The following ACOT1 variants were observed in gnomAD, a reference collection of about 807,000 sequenced individuals.
ACOT1 encodes acyl-coenzyme A thioesterase 1.
ACOT1 carries 8 observed loss-of-function variants against 15.7 expected under a neutral mutation model. The observed-to-expected ratio is 0.51, with a 90% CI of 0.30 to 0.92. The LOEUF is 0.92. ACOT1 is among the 40% of genes least tolerant of loss of function. The probability of loss-of-function intolerance (pLI) is 0.06; values close to 1 mark genes in which losing one functional copy is unlikely to be tolerated. For missense variants in ACOT1, 151 were observed against 539.4 expected (o/e 0.28, Z 7.13); for synonymous variants, 67 against 241.2 (o/e 0.28, Z 6.69).
the ACOT1 span, chr14:73,520,944 G>A: frequency 6.2e-7 from 1 of 1,613,976 alleles, no homozygotes; most frequent in East Asian, 2.2e-5. Flanking sequence ...CTGGGTTTGG[G>A]GCTGGGAGAG....
the ACOT1 span, chr14:73,495,339 G>C: frequency 1.9e-6 from 3 of 1,613,766 alleles, no homozygotes; most frequent in African/African-American, 2.7e-5. Context: ...ACCATCTCCA[G>C]CTTGAGTATT....
chr14:73,493,159 GA>G, the ACOT1 span: 12 of 1,565,590 alleles, frequency 7.7e-6, no homozygotes, highest in African/African-American at 1.4e-5. Flanking sequence ...GTTGGAGGTG[GA>G]AAAAAAACCC....
At chr14:73,520,888 A>T in the ACOT1 span, 1 of 1,614,066 alleles carries the variant, frequency 6.2e-7, no homozygotes, top group Non-Finnish European at 8.5e-7. Flanking sequence ...TTGTCTGTGG[A>T]GTAGGCAAAC....
the ACOT1 span, chr14:73,495,412 A>C: frequency 1.3e-4 from 210 of 1,598,106 alleles, no homozygotes; most frequent in African/African-American, 4.2e-4. Context: ...ATAATGTTTG[A>C]AAAACAAAAC....
At chr14:73,508,373 A>G in the ACOT1 span, 1 of 1,264,434 alleles carries the variant, frequency 7.9e-7, no homozygotes, top group South Asian at 1.3e-5. Flanking sequence ...TTGATACCCA[A>G]GGCTGCTACC....
At chr14:73,518,748 C>A in the ACOT1 span, among the ~76,000 whole-genome samples, 2 of 152,128 alleles carry the variant, frequency 1.3e-5, no homozygotes, top group Non-Finnish European at 2.9e-5. Flanking sequence ...ATAGGAGCTG[C>A]CTTATTGGTA....
the ACOT1 span, chr14:73,518,884 G>T: frequency 1.4e-6 from 1 of 733,392 alleles, no homozygotes; most frequent in Non-Finnish European, 2.2e-6. Flanking sequence ...TTTTTAGTAC[G>T]TAGAAAGGGG....
chr14:73,496,133 C>CA, the ACOT1 span, among the ~76,000 whole-genome samples: 38 of 144,492 alleles, frequency 2.6e-4, no homozygotes, highest in South Asian at 1.5e-3. Context: ...GTCCCCCCCT[C>CA]AAAAAAAAAA....
the ACOT1 span, among the ~76,000 whole-genome samples, chr14:73,507,877 G>A: frequency 6.6e-6 from 1 of 152,098 alleles, no homozygotes; most frequent in Admixed American, 6.6e-5. Flanking sequence ...CGAGTAGCTG[G>A]GACTACTCAG....
chr14:73,492,475 C>A, the ACOT1 span: 1 of 1,613,638 alleles, frequency 6.2e-7, no homozygotes, highest in Non-Finnish European at 8.5e-7. This position sits in a 1 kb window ranked among gnomAD's most constrained non-coding sequence, Gnocchi z 4.9. Flanking sequence ...TCTTGGTTGC[C>A]CGCCTGGGAC....
the ACOT1 span, chr14:73,517,184 C>G: frequency 6.6e-6 from 1 of 152,168 alleles, no homozygotes; most frequent in Non-Finnish European, 1.5e-5. Context: ...ATCAGCCTCG[C>G]GAGTGGCTGG....
At chr14:73,518,010 C>T in the ACOT1 span, among the ~76,000 whole-genome samples, 2 of 152,066 alleles carry the variant, frequency 1.3e-5, no homozygotes, top group Non-Finnish European at 2.9e-5. Flanking sequence ...CACTTGAACC[C>T]AGGAGGCGGA....
the ACOT1 span, among the ~76,000 whole-genome samples, chr14:73,514,957 A>G: frequency 6.6e-6 from 1 of 151,990 alleles, no homozygotes; most frequent in African/African-American, 2.4e-5. Flanking sequence ...AGTCTCAGCT[A>G]CTTGAGAGGC....
chr14:73,509,436 A>AG, the ACOT1 span: 21 of 1,613,978 alleles, frequency 1.3e-5, no homozygotes, highest in Non-Finnish European at 1.8e-5. Flanking sequence ...CCTCTAGGGC[A>AG]GGCAGTAGAA....
At chr14:73,491,841 T>A in the ACOT1 span, 13 of 1,608,828 alleles carry the variant, frequency 8.1e-6, no homozygotes, top group Non-Finnish European at 1.0e-5. Context: ...CGCGAGACCC[T>A]GAACCCACCC....
chr14:73,527,961 CAAAAAA>C, the ACOT1 span, among the ~76,000 whole-genome samples: 2 of 52,694 alleles, frequency 3.8e-5, no homozygotes, highest in African/African-American at 1.4e-4. Context: ...AACTCCATCT[CAAAAAA>C]AAAAAAAAAA....
the ACOT1 span, among the ~76,000 whole-genome samples, chr14:73,523,892 T>C: frequency 2.0e-5 from 3 of 152,222 alleles, no homozygotes; most frequent in Non-Finnish European, 2.9e-5. Context: ...TTGTTAAATA[T>C]TTGAGACTCT....
chr14:73,493,213 G>C, the ACOT1 span: 1 of 1,056,628 alleles, frequency 9.5e-7, no homozygotes, highest in Non-Finnish European at 1.5e-6. Flanking sequence ...ATCACCTTCA[G>C]GCTTCAGTGT....
chr14:73,495,834 T>A, the ACOT1 span, among the ~76,000 whole-genome samples: 1 of 151,998 alleles, frequency 6.6e-6, no homozygotes, highest in Non-Finnish European at 1.5e-5. Context: ...TTTGAAAAAT[T>A]AGAACAATCC....
Sources: allele counts gnomAD v4.1 joint callset (sites outside exome capture counted in the v4.1 genomes callset), GRCh38; gene constraint gnomAD v4.1.1; non-coding constraint Gnocchi (gnomAD v3.1); transcripts MANE v1.5; gene names NCBI Gene and HGNC (gene_info 2026-07-23, HGNC 2026-07-21).